Variants in CMYA5 observed in about 807,000 individuals in gnomAD.
The protein encoded by CMYA5 is cardiomyopathy-associated protein 5.
CMYA5 carries 246 observed loss-of-function variants against 318.9 expected under a neutral mutation model. The ratio of observed to expected loss-of-function variants is 0.77; its 90% CI spans 0.70 to 0.86. The LOEUF is 0.86. CMYA5 is among the 40% of genes least tolerant of loss of function. CMYA5 has a pLI of 0.00. For synonymous variants in CMYA5, 1,641 were observed against 1,729.5 expected, an observed-to-expected ratio of 0.95 and a Z score of 1.27; for missense variants, 4,589 against 4,678.2, an observed-to-expected ratio of 0.98 and a Z score of 0.56.
intron 7 of CMYA5, among the ~76,000 whole-genome samples, chr5:79,759,991 A>C (rs1412346767): frequency 6.6e-6 from 1 of 152,200 alleles, no homozygotes; most frequent in Non-Finnish European, 1.5e-5. Flanking sequence ...GAGGTTACAT[A>C]GTTTGCTCAA....
chr5:79,698,871 T>C (rs1044085403), intron 1 of CMYA5, among the ~76,000 whole-genome samples: 20 of 152,182 alleles, frequency 1.3e-4, no homozygotes, highest in African/African-American at 4.1e-4. Context: ...TAAGTGGTGG[T>C]TGTGACCGGA....
At chr5:79,750,780 G>T (rs957325201) in intron 5 of CMYA5, among the ~76,000 whole-genome samples, 1 of 152,094 alleles carries the variant, frequency 6.6e-6, no homozygotes, top group African/African-American at 2.4e-5. Flanking sequence ...TGCAACCATT[G>T]TAAGACCTGC....
chr5:79,749,155 T>G (rs1184726232), intron 5 of CMYA5, among the ~76,000 whole-genome samples: 1 of 152,228 alleles, frequency 6.6e-6, no homozygotes, highest in Non-Finnish European at 1.5e-5. Context: ...TGAATTAATT[T>G]TTTGCTAAAG....
chr5:79,761,930 C>A lies in CMYA5; in HGVS notation c.11380C>A (p.Pro3794Thr). Reference sequence around the variant, plus strand: ...TGTGAACTTCACTGGATGTAGCCTGCCCAGTGAAAGGGCCATCTTTAGGAC... The same window carrying A: ...TGTGAACTTCACTGGATGTAGCCTGACCAGTGAAAGGGCCATCTTTAGGAC... ...MAVNFTGCSL[P>T]SERAIFRTAP... Residue 3794 changes from proline (P) to threonine (T), a missense_variant, in exon 8 of 13, where the codon CCC becomes ACC. Pro to Thr is a conservative substitution (Grantham distance 38). Coordinates refer to ENST00000446378, the MANE Select transcript of CMYA5 (RefSeq NM_153610.5). 1 of 1,613,302 alleles carries A rather than the reference C, an allele frequency of 6.2e-7. No homozygotes were observed. Among genetic ancestry groups the A allele is most frequent in the Non-Finnish European group, 8.5e-7 (1 of 1,179,616 alleles).
At position 79,732,177 on chromosome 5, in the gene CMYA5, G is replaced by A. The variant is rs866620754; in HGVS notation, c.3412G>A (p.Gly1138Arg). The change falls in exon 2 of 13, where the codon GGA becomes AGA. Residue 1138 changes from glycine (G) to arginine (R), a missense_variant. Gly to Arg is a moderately radical substitution (Grantham distance 125). Around this residue, in one of 3 missense-constraint regions of CMYA5, gnomAD observed 2,132 missense variants for 2,131.3 expected, o/e 1.00. Transcript: ENST00000446378. ...ACATTTAACCAGTGAAGTGGAGAAG[G>A]GAGAAAGGGAGGCAAGTTCATCAGT... The part of the protein sequence containing the change: ...PSHLTSEVEK[G>R]EREASSSVAA... 2.5e-6 allele frequency: 4 copies of A among 1,613,926 alleles called. No homozygotes were observed. Among genetic ancestry groups the A allele is most frequent in the Non-Finnish European group, 3.4e-6 (4 of 1,179,866 alleles).
At chr5:79,791,613 C>T (rs781405028) in intron 11 of CMYA5, among the ~76,000 whole-genome samples, 6 of 149,774 alleles carry the variant, frequency 4.0e-5, no homozygotes, top group Non-Finnish European at 7.4e-5. Context: ...CTCAGCTACT[C>T]GGAGGCTGAG....
chr5:79,767,475 T>C (rs1218833140), intron 9 of CMYA5, among the ~76,000 whole-genome samples: 3 of 152,222 alleles, frequency 2.0e-5, no homozygotes, highest in Admixed American at 1.3e-4. Context: ...CTGCTTTAGC[T>C]GTGTCCCAGA....
At position 79,743,914 on chromosome 5, in the gene CMYA5, A is replaced by C; in HGVS notation, c.10726A>C (p.Thr3576Pro). 6.6e-7 allele frequency: 1 copy of C among 1,515,234 alleles called. No individual in the cohort carries two copies. The highest frequency in any genetic ancestry group is 8.9e-7 in the Non-Finnish European group (1 of 1,119,308). The allele number at this position is 1,515,234 out of a possible 1,614,324, so 93.9% of individuals were successfully genotyped here. The part of the protein sequence containing the change: ...FVSEIESFFN[T>P]IEENCSKNEK... ...TAGTGAGATAGAATCCTTTTTTAAT[A>C]CCATTGAGGTAAGTTAACACACCCA... The change falls in exon 3 of 13, where the codon ACC becomes CCC. Residue 3576 changes from threonine (T) to proline (P), a missense_variant. By Grantham distance (38) the Thr-to-Pro change is conservative. Coordinates refer to ENST00000446378, the MANE Select transcript of CMYA5 (RefSeq NM_153610.5).
chr5:79,729,805 G>T lies in CMYA5; in HGVS notation c.1040G>T (p.Ser347Ile), dbSNP rs1444245547. The T allele has an allele frequency of 1.2e-6, 2 of 1,613,802 alleles. No individual in the cohort carries two copies. Among genetic ancestry groups the T allele is most frequent in the Admixed American group, 1.7e-5 (1 of 59,992 alleles). ...GAGCACACAGTTCCCTCTTATTCAA[G>T]TAGTGGCAGAGCAGAACAAGGAATA... ...ALEHTVPSYS[S>I]SGRAEQGIQL... is the part of the protein sequence containing the mutation. Residue 347 changes from serine to isoleucine, a missense_variant, in exon 2 of 13, where the codon AGT becomes ATT. Ser to Ile is a moderately radical substitution (Grantham distance 142). Around this residue, in one of 3 missense-constraint regions of CMYA5, gnomAD observed 2,132 missense variants for 2,131.3 expected, o/e 1.00. Transcript: ENST00000446378.
intron 12 of CMYA5, among the ~76,000 whole-genome samples, 184 bp downstream of exon 12, chr5:79,793,794 T>C (rs1016557413): frequency 6.6e-6 from 1 of 152,076 alleles, no homozygotes; most frequent in Non-Finnish European, 1.5e-5. Context: ...AGGAAGCTGA[T>C]TTTAGAGTGT....
At chr5:79,690,493 G>T (rs1826947116) in intron 1 of CMYA5, among the ~76,000 whole-genome samples, 1 of 152,130 alleles carries the variant, frequency 6.6e-6, no homozygotes, top group African/African-American at 2.4e-5. Context: ...AGGCTAGGCT[G>T]CAATAAGGTG....
intron 9 of CMYA5, among the ~76,000 whole-genome samples, chr5:79,778,406 T>C (rs259121): frequency 0.49 from 74,435 of 152,074 alleles, 20,516 homozygotes; most frequent in East Asian, 0.81. Context: ...CTTAGTTCTT[T>C]ATACCCTTGC....
In CMYA5 at chr5:79,732,065, A is replaced by G; in HGVS notation, c.3300A>G (p.Ser1100=). Residue 1100 remains serine, a synonymous_variant, in exon 2 of 13, where the codon TCA becomes TCG. Coordinates refer to ENST00000446378, the MANE Select transcript of CMYA5 (RefSeq NM_153610.5). ...AEIKPEIPTT[S]TSVSEYLILA... ...TTAAGCCAGAGATTCCAACAACCTC[A>G]ACATCTGTATCTGAATATCTCATTT... 6.2e-7 allele frequency: 1 copy of G among 1,614,022 alleles called. No individual in the cohort carries two copies. The highest frequency in any genetic ancestry group is 1.1e-5 in the South Asian group (1 of 91,082).
At chr5:79,750,049 A>G (rs1828402458) in intron 5 of CMYA5, among the ~76,000 whole-genome samples, 1 of 151,828 alleles carries the variant, frequency 6.6e-6, no homozygotes. Context: ...GATACCATAA[A>G]CCTTGAATAA....
At chr5:79,766,381 T>C (rs1161585507) in intron 9 of CMYA5, among the ~76,000 whole-genome samples, 1 of 152,184 alleles carries the variant, frequency 6.6e-6, no homozygotes, top group Non-Finnish European at 1.5e-5. Context: ...ATTACAAGGG[T>C]GAGTCACCGC....
Position 79,737,734 on chromosome 5 carries a change from C to A in CMYA5, c.8969C>A (p.Pro2990Gln), listed in dbSNP as rs377452511. ...LEEKASFKTI[P>Q]LPDDSETVAC... ...GAGAAAGCCTCATTTAAAACCATAC[C>A]ACTCCCTGATGATAGTGAAACAGTT... The change falls in exon 2 of 13, where the codon CCA becomes CAA. Residue 2990 changes from proline to glutamine, a missense_variant. Transcript: ENST00000446378. 9.3e-6 allele frequency: 15 copies of A among 1,611,792 alleles called. No individual in the cohort carries two copies. The African/African-American group carries it at 2.0e-4, about 22-fold the overall frequency.
At chr5:79,759,618 T>C (rs1331431055) in intron 7 of CMYA5, among the ~76,000 whole-genome samples, 2 of 152,236 alleles carry the variant, frequency 1.3e-5, no homozygotes, top group Admixed American at 6.5e-5. Flanking sequence ...TTTGAGGTTG[T>C]GCTTCCTGAT....
At chr5:79,775,272 C>A (rs1408400403) in intron 9 of CMYA5, among the ~76,000 whole-genome samples, 1 of 152,156 alleles carries the variant, frequency 6.6e-6, no homozygotes, top group Non-Finnish European at 1.5e-5. Context: ...TGATCACGTA[C>A]AACACCTCCT....
chr5:79,742,719 T>C (rs1210415739), intron 2 of CMYA5, among the ~76,000 whole-genome samples: 1 of 151,470 alleles, frequency 6.6e-6, no homozygotes, highest in Non-Finnish European at 1.5e-5. Context: ...TGTTTATTTA[T>C]CTCCCATTGT....
Sources: gnomAD v4.1 joint callset for allele counts (sites outside exome capture counted in the v4.1 genomes callset) on GRCh38, gnomAD v4.1.1 for gene constraint, gnomAD v4.1.1 regional missense constraint, MANE v1.5 for transcripts, NCBI Gene and HGNC (gene_info 2026-07-23, HGNC 2026-07-21) for gene names.